The following CTC1 variants were observed in gnomAD, a reference collection of about 807,000 sequenced individuals.
CTC1 encodes the protein CST telomere replication complex component 1, also known as CST complex subunit CTC1.
In CTC1, 91 loss-of-function variants were observed where a neutral mutation model predicts 136.3. The observed-to-expected ratio is 0.67, with a 90% CI of 0.56 to 0.79. The LOEUF is 0.79. Ranked by LOEUF, CTC1 falls within the 30% of genes least tolerant of loss-of-function variation. The pLI, the probability that CTC1 is intolerant of heterozygous loss-of-function variation, is 0.00. For synonymous variants in CTC1, 606 were observed against 613.8 expected (o/e 0.99, Z 0.19); for missense variants, 1,432 against 1,498.1 (o/e 0.96, Z 0.73).
chr17:8,231,431 T>C lies in CTC1; in HGVS notation c.2514A>G (p.Ile838Met). The C allele has an allele frequency of 6.2e-7, 1 of 1,612,824 alleles. No individual in the cohort carries two copies. ...CAGCCAACTCCAGAGGACGCCGAGA[T>C]ATGCAGGATGAACCATCCTTTTCAA... ...MLFEKDGSSCISRRPLELAGC... is the reference protein window; with the variant it reads ...MLFEKDGSSCMSRRPLELAGC... The change falls in exon 15 of 23, where the codon ATA (isoleucine) becomes ATG (methionine). Residue 838 changes from isoleucine (I) to methionine (M), a missense_variant. By Grantham distance (10) the Ile-to-Met change is conservative (BLOSUM62 1). Transcript: ENST00000651323.
Position 8,230,367 on chromosome 17 carries a change from G to A in CTC1, c.2860C>T (p.His954Tyr). 1 of 1,614,168 alleles carries A rather than the reference G, an allele frequency of 6.2e-7. No homozygotes were observed. Among genetic ancestry groups the A allele is most frequent in the Non-Finnish European group, 8.5e-7 (1 of 1,180,024 alleles). Residue 954 changes from histidine (H) to tyrosine (Y), a missense_variant, in exon 17 of 23, where the codon CAC becomes TAC. Coordinates refer to ENST00000651323, the MANE Select transcript of CTC1 (RefSeq NM_025099.6). ...AGTAGTCCTAGTGAGGGAGGCAAGTGTGGGTCTTCTATATATACATCCAGG... is the reference window on the plus strand; with the variant it reads ...AGTAGTCCTAGTGAGGGAGGCAAGTATGGGTCTTCTATATATACATCCAGG... ...PHLDVYIEDP[H>Y]LPPSLGLLPG...
At chr17:8,245,074 C>T (rs994709918) in intron 1 of CTC1, among the ~76,000 whole-genome samples, 7 of 152,080 alleles carry the variant, frequency 4.6e-5, no homozygotes, top group Admixed American at 2.6e-4. Context: ...ATGTTTGTTC[C>T]CACTTATAAG....
chr17:8,225,453 G>A lies in CTC1; in HGVS notation c.*2727C>T, dbSNP rs1986555282. 1 of 152,242 alleles carries A rather than the reference G, an allele frequency of 6.6e-6. No homozygotes were observed. The highest frequency in any genetic ancestry group is 2.1e-4 in the South Asian group (1 of 4,836). 9.4% of individuals were successfully genotyped at this position (152,242 alleles called of 1,614,324 possible). On this transcript the variant is annotated 3_prime_UTR_variant, in exon 23 of 23. Coordinates refer to ENST00000651323, the MANE Select transcript of CTC1 (RefSeq NM_025099.6). ...CGAGAGCTTTCTGCCTATCTTCCAA[G>A]GAGGTTTAGGTCCTGCCAAGAGCTC...
In CTC1 at chr17:8,234,486, C is replaced by G. The variant is rs1358792729; in HGVS notation, c.1787G>C (p.Cys596Ser). The G allele has an allele frequency of 6.4e-7, 1 of 1,552,802 alleles. No individual in the cohort carries two copies. Among genetic ancestry groups the G allele is most frequent in the East Asian group, 2.4e-5 (1 of 40,998 alleles). ...LNRRLAWSWL[C>S]LLPSAFCPAQ... ...TGGGCAGAAGGCAGAGGGCAGCAGA[C>G]AGAGCCAGGACCAAGCCAGGCGGCG... Residue 596 changes from cysteine (C) to serine (S), a missense_variant, in exon 10 of 23, where the codon TGT (cysteine) becomes TCT (serine). Transcript: ENST00000651323.
intron 5 of CTC1, 48 bp from the exon 6 acceptor site, chr17:8,236,390 G>A (rs777333881): frequency 6.4e-7 from 1 of 1,560,624 alleles, no homozygotes; most frequent in Non-Finnish European, 8.7e-7. Context: ...CCCCAACACT[G>A]CCACTCTGCC....
At position 8,225,975 on chromosome 17, in the gene CTC1, C is replaced by A. The variant is rs141122520; in HGVS notation, c.*2205G>T. ...GCAGCCCCTTCCATCGAGGGTGGGG[C>A]GGCCGCCTGACCCAGTCCACCTGCA... is the stretch of plus-strand genomic sequence containing the variant. On this transcript the variant is annotated 3_prime_UTR_variant, in exon 23 of 23. Coordinates refer to ENST00000651323, the MANE Select transcript of CTC1 (RefSeq NM_025099.6). The A allele has an allele frequency of 8.8e-3, 1,334 of 152,094 alleles. 21 individuals carry two copies. Among genetic ancestry groups the A allele is most frequent in the African/African-American group, 0.03 (1,232 of 41,470 alleles). The allele number at this position is 152,094 out of a possible 1,614,324, so 9.4% of individuals were successfully genotyped here.
chr17:8,232,539 A>G (rs1987334682), intron 11 of CTC1, 64 bp from the exon 12 acceptor site: 8 of 1,349,618 alleles, frequency 5.9e-6, no homozygotes, highest in Non-Finnish European at 8.4e-6. Flanking sequence ...TGCAAGGCAA[A>G]CCATCCTACC....
chr17:8,240,767 T>C (rs1424606358), intron 2 of CTC1, among the ~76,000 whole-genome samples: 1 of 151,008 alleles, frequency 6.6e-6, no homozygotes, highest in African/African-American at 2.4e-5. Context: ...TAATCCCAGC[T>C]ATTCAGGAGG....
At position 8,228,317 on chromosome 17, in the gene CTC1, G is replaced by A; in HGVS notation, c.3517C>T (p.Pro1173Ser). ...RKPSKIVPLE[P>S]PRLQRFQCGE... ...CACTGGAATCGCTGTAGCCGAGGAG[G>A]TTCTGAGGTGGGAAGAGAGGAAAAA... The change falls in exon 23 of 23, where the codon CCT (proline) becomes TCT (serine). Residue 1173 changes from proline to serine, a missense_variant and splice_region_variant. Pro to Ser is a moderately conservative substitution (Grantham distance 74, BLOSUM62 -1). Transcript: ENST00000651323. 1 of 1,613,840 alleles carries A rather than the reference G, an allele frequency of 6.2e-7. No individual in the cohort carries two copies.
rs1320809462 is a variant in CTC1, at chr17:8,234,859, C to G, written c.1507G>C (p.Gly503Arg). 1.2e-6 allele frequency: 2 copies of G among 1,613,200 alleles called. No homozygotes were observed. The highest frequency in any genetic ancestry group is 1.7e-6 in the Non-Finnish European group (2 of 1,179,572). ...AGGGTAGGAGCCAGGAGTTGCAGTC[C>G]CAGGCTGGGGCTCCCAGGAGAGGAA... ...QHSSPGSPSL[G>R]LQLLAPTLDL... The change falls in exon 9 of 23, where the codon GGA becomes CGA. Residue 503 changes from glycine (G) to arginine (R), a missense_variant. Gly to Arg is a moderately radical substitution (Grantham distance 125). Coordinates refer to ENST00000651323, the MANE Select transcript of CTC1 (RefSeq NM_025099.6).
intron 1 of CTC1, among the ~76,000 whole-genome samples, chr17:8,246,732 G>GA (rs945550376): frequency 2.6e-4 from 40 of 151,504 alleles, no homozygotes; most frequent in Middle Eastern, 3.4e-3. Context: ...TTAAAAAAAA[G>GA]AAAAAAAATA....
At chr17:8,231,601 T>C in intron 14 of CTC1, 125 bp downstream of exon 14, 2 of 1,217,716 alleles carry the variant, frequency 1.6e-6, no homozygotes, top group Non-Finnish European at 2.4e-6. Context: ...ACAGGCTTTC[T>C]GGTGTATCTA....
intron 20 of CTC1, 45 bp downstream of exon 20, chr17:8,229,097 T>C: frequency 1.3e-6 from 2 of 1,588,398 alleles, no homozygotes; most frequent in Non-Finnish European, 1.7e-6. Context: ...GACAAAGTGG[T>C]CTCATAAGTA....
chr17:8,242,122 C>T (rs1465240506), intron 2 of CTC1, among the ~76,000 whole-genome samples: 1 of 151,936 alleles, frequency 6.6e-6, no homozygotes, highest in Non-Finnish European at 1.5e-5. Flanking sequence ...CTCCGCCTCC[C>T]GGGTTCAAGC....
intron 1 of CTC1, chr17:8,247,502 G>A (rs1988847576): frequency 6.5e-6 from 1 of 153,452 alleles, no homozygotes; most frequent in African/African-American, 2.4e-5. Flanking sequence ...TAGAGATGAG[G>A]TTTCACCATG....
rs545385816 is a variant in CTC1, at chr17:8,228,108, G to C, written c.*72C>G. The C allele has an allele frequency of 4.9e-6, 7 of 1,419,504 alleles. No homozygotes were observed. The highest frequency in any genetic ancestry group is 6.9e-6 in the Non-Finnish European group (7 of 1,011,736). The allele number at this position is 1,419,504 out of a possible 1,614,324, so 87.9% of individuals were successfully genotyped here. On this transcript the variant is annotated 3_prime_UTR_variant, in exon 23 of 23. Transcript: ENST00000651323. ...CCTTGGTTCAATCACAGAACAAGTA[G>C]GGAGAGGAGCCAGGACCTAGGCCTT...
At position 8,228,580 on chromosome 17, in the gene CTC1, CAA is replaced by C. The variant is rs1437201156; in HGVS notation, c.3435_3436del (p.Cys1146TyrfsTer2). ...AGGACGGAGGACAGAGGGGCTAGTACAAAGTGTCCAGAGGAACATGGTCATGG... is the reference window on the plus strand; with the variant it reads ...AGGACGGAGGACAGAGGGGCTAGTACAGTGTCCAGAGGAACATGGTCATGG... On this transcript the variant is annotated frameshift_variant, in exon 22 of 23. Coordinates refer to ENST00000651323, the MANE Select transcript of CTC1 (RefSeq NM_025099.6). LOFTEE classifies it high-confidence loss of function. 1 of 1,614,170 alleles carries C rather than the reference CAA, an allele frequency of 6.2e-7. No individual in the cohort carries two copies. Among genetic ancestry groups the C allele is most frequent in the Non-Finnish European group, 8.5e-7 (1 of 1,180,012 alleles).
At position 8,247,394 on chromosome 17, in the gene CTC1, C is replaced by T. The variant is rs187341110; in HGVS notation, c.33+610G>A. Among the ~76,000 whole-genome samples, 11 of 149,982 alleles carry T rather than the reference C, an allele frequency of 7.3e-5. No homozygotes were observed. In the Admixed American group the frequency reaches 7.4e-4, roughly 10 times the overall value. ...GCACAATCTCAGCTCACTGCAGCCT[C>T]CGTCTACCCGGTTCAAGCGATTCTC... On this transcript the variant is annotated intron_variant, in intron 1 of 22. Transcript: ENST00000651323.
rs977467036 is a variant in CTC1 at position 8,230,803 on chromosome 17, T to G, written c.2670-152A>C. ...ACCTGAGCTCTGCCACACTGCACAC[T>G]AAGAGTAACAGGGCCTATGGGAAAA... On this transcript the variant is annotated intron_variant, in intron 15 of 22. Coordinates refer to ENST00000651323, the MANE Select transcript of CTC1 (RefSeq NM_025099.6). 5 of 653,912 alleles carry G rather than the reference T, an allele frequency of 7.6e-6. No individual in the cohort carries two copies. In the African/African-American group the frequency reaches 9.1e-5, roughly 12 times the overall value. The allele number at this position is 653,912 out of a possible 1,614,324, so 40.5% of individuals were successfully genotyped here. A position where few individuals can be genotyped will look rare whatever the true frequency, so the allele number is the denominator to read the frequency against.
Sources: allele counts gnomAD v4.1 joint callset (sites outside exome capture counted in the v4.1 genomes callset), GRCh38; gene constraint gnomAD v4.1.1; transcripts MANE v1.5; gene names NCBI Gene and HGNC (gene_info 2026-07-23, HGNC 2026-07-21).